The following SEMA5A variants were observed in gnomAD, a reference collection of about 807,000 sequenced individuals.
The protein encoded by SEMA5A is semaphorin-5A.
Under a neutral mutation model 135.5 loss-of-function variants are expected in SEMA5A, and 55 were observed. The observed-to-expected ratio is 0.41, with a 90% CI of 0.33 to 0.51. SEMA5A has a LOEUF of 0.51. Among genes scored for constraint, SEMA5A ranks in the 20% least tolerant of loss-of-function variants. The pLI, the probability that SEMA5A is intolerant of heterozygous loss-of-function variation, is 0.37. For missense variants in SEMA5A, 1,290 were observed against 1,419.9 expected, an observed-to-expected ratio of 0.91 and a Z score of 1.47; for synonymous variants, 580 against 546.5, an observed-to-expected ratio of 1.06 and a Z score of -0.85.
chr5:9,267,646 C>T (rs1251331237), intron 5 of SEMA5A, among the ~76,000 whole-genome samples: 2 of 152,098 alleles, frequency 1.3e-5, no homozygotes, highest in Admixed American at 6.5e-5. Context: ...CTCTGACTGC[C>T]CTGGTCTCTT....
At chr5:9,284,182 C>G (rs1750682202) in intron 5 of SEMA5A, among the ~76,000 whole-genome samples, 4 of 151,988 alleles carry the variant, frequency 2.6e-5, no homozygotes, top group Admixed American at 2.6e-4. Flanking sequence ...ATTGAATACT[C>G]TAATTCCAAA....
chr5:9,392,792 T>G (rs768499724), intron 2 of SEMA5A, among the ~76,000 whole-genome samples: 1 of 152,178 alleles, frequency 6.6e-6, no homozygotes, highest in African/African-American at 2.4e-5. Context: ...GAAACCAAGA[T>G]AGTCATTTTC....
At chr5:9,511,092 G>T (rs1267542473) in intron 1 of SEMA5A, among the ~76,000 whole-genome samples, 3 of 152,066 alleles carry the variant, frequency 2.0e-5, no homozygotes, top group Non-Finnish European at 4.4e-5. Flanking sequence ...AGTCATTAAT[G>T]GCTCTTTAAT....
intron 1 of SEMA5A, among the ~76,000 whole-genome samples, chr5:9,478,463 AG>A (rs1374856848): frequency 1.3e-5 from 2 of 152,226 alleles, no homozygotes; most frequent in Non-Finnish European, 2.9e-5. Flanking sequence ...ATGCAGCTAC[AG>A]GGGCTGTACC....
At chr5:9,333,893 A>T (rs1396712836) in intron 4 of SEMA5A, among the ~76,000 whole-genome samples, 1 of 152,096 alleles carries the variant, frequency 6.6e-6, no homozygotes, top group Non-Finnish European at 1.5e-5. Context: ...TGAAAACACA[A>T]ATATTATTAA....
rs1050499041 is a variant in SEMA5A, at chr5:9,426,337, A to G, written c.-78+11419T>C. Reference sequence around the variant, plus strand: ...CTACCCGGCAGGCTGAGGCAGGAGAATGGCGTGATCCTGGGAGGCGGAGCT... The same window carrying G: ...CTACCCGGCAGGCTGAGGCAGGAGAGTGGCGTGATCCTGGGAGGCGGAGCT... On this transcript the variant is annotated intron_variant, in intron 2 of 22. Transcript: ENST00000382496. Among the ~76,000 whole-genome samples the G allele has an allele frequency of 1.5e-4, 23 of 151,764 alleles. No homozygotes were observed. In the East Asian group the frequency reaches 4.5e-3, roughly 29 times the overall value.
intron 16 of SEMA5A, among the ~76,000 whole-genome samples, chr5:9,088,315 A>G (rs1304940007): frequency 6.6e-6 from 1 of 150,572 alleles, no homozygotes; most frequent in African/African-American, 2.4e-5. Flanking sequence ...AAAAAAAAAA[A>G]AAAGAAAAGA....
At chr5:9,213,495 G>C (rs1213717004) in intron 8 of SEMA5A, among the ~76,000 whole-genome samples, 1 of 152,212 alleles carries the variant, frequency 6.6e-6, no homozygotes, top group Non-Finnish European at 1.5e-5. Context: ...GTTCCATTAA[G>C]AAGATGGCAT....
intron 16 of SEMA5A, among the ~76,000 whole-genome samples, chr5:9,095,613 G>A (rs1284758796): frequency 6.6e-6 from 1 of 152,138 alleles, no homozygotes; most frequent in Non-Finnish European, 1.5e-5. Context: ...TTAATTACAA[G>A]TTGCCTCAAA....
chr5:9,399,777 T>G (rs10070100), intron 2 of SEMA5A, among the ~76,000 whole-genome samples: 61,621 of 151,812 alleles, frequency 0.41, 12,920 homozygotes, highest in East Asian at 0.54. Context: ...TTCTCAGTCT[T>G]GGGTAAGAGG....
At chr5:9,523,554 G>A (rs1396416935) in intron 1 of SEMA5A, among the ~76,000 whole-genome samples, 4 of 152,020 alleles carry the variant, frequency 2.6e-5, no homozygotes, top group Non-Finnish European at 5.9e-5. Flanking sequence ...CTATAACGAG[G>A]GACAAAGGGA....
At chr5:9,452,547 C>T (rs1758684245) in intron 1 of SEMA5A, among the ~76,000 whole-genome samples, 1 of 152,182 alleles carries the variant, frequency 6.6e-6, no homozygotes, top group Non-Finnish European at 1.5e-5. Flanking sequence ...TGGCATTCTG[C>T]TTTGGAAGGA....
intron 10 of SEMA5A, 106 bp from the exon 11 acceptor site, chr5:9,190,577 A>G (rs1476179237): frequency 2.0e-6 from 2 of 993,418 alleles, no homozygotes; most frequent in Admixed American, 2.0e-5. Flanking sequence ...GTAAGCCACA[A>G]TCCATCATTG....
intron 11 of SEMA5A, among the ~76,000 whole-genome samples, chr5:9,187,223 C>G (rs1744858286): frequency 6.6e-6 from 1 of 151,860 alleles, no homozygotes; most frequent in South Asian, 2.1e-4. Context: ...AAAAAATATC[C>G]CTTAAAACTG....
chr5:9,330,540 CCT>C (rs1753087914), intron 4 of SEMA5A, among the ~76,000 whole-genome samples: 1 of 151,972 alleles, frequency 6.6e-6, no homozygotes, highest in Non-Finnish European at 1.5e-5. Flanking sequence ...AAGCACACAC[CCT>C]GAGCCAGCTA....
chr5:9,225,660 G>T (rs185549744), intron 7 of SEMA5A, among the ~76,000 whole-genome samples: 49 of 151,884 alleles, frequency 3.2e-4, no homozygotes, highest in African/African-American at 8.9e-4. Context: ...CACAAGTAAG[G>T]ATGTGTGGAT....
chr5:9,355,187 C>CAAA (rs755235964), intron 3 of SEMA5A, among the ~76,000 whole-genome samples: 28 of 152,264 alleles, frequency 1.8e-4, no homozygotes, highest in South Asian at 8.3e-4. Context: ...AGACAATATT[C>CAAA]ACAACGACAA....
chr5:9,357,264 G>C (rs1459716136), intron 3 of SEMA5A, among the ~76,000 whole-genome samples: 1 of 152,092 alleles, frequency 6.6e-6, no homozygotes, highest in Non-Finnish European at 1.5e-5. Flanking sequence ...CTTAAAAAAA[G>C]ACTCAAATTG....
rs1270352471 is a variant in SEMA5A, at chr5:9,222,423, C to G, written c.646+2251G>C. Reference sequence around the variant, plus strand: ...AATAACTCAGGGTCCTCAGGCAGGGCTCTTGGTTTTCTATCCTAGGAGAGA... The same window carrying G: ...AATAACTCAGGGTCCTCAGGCAGGGGTCTTGGTTTTCTATCCTAGGAGAGA... On this transcript the variant is annotated intron_variant, in intron 8 of 22. Coordinates refer to ENST00000382496, the MANE Select transcript of SEMA5A (RefSeq NM_003966.3). Among the ~76,000 whole-genome samples, 5 of 152,198 alleles carry G rather than the reference C, an allele frequency of 3.3e-5. No individual in the cohort carries two copies. In the East Asian group the frequency reaches 7.7e-4, roughly 24 times the overall value.
Sources: allele counts gnomAD v4.1 joint callset (sites outside exome capture counted in the v4.1 genomes callset), GRCh38; gene constraint gnomAD v4.1.1; transcripts MANE v1.5; gene names NCBI Gene and HGNC (gene_info 2026-07-23, HGNC 2026-07-21).